Variants in GRM7 observed in about 807,000 individuals in gnomAD.
The protein encoded by GRM7 is metabotropic glutamate receptor 7.
GRM7 carries 35 observed loss-of-function variants against 84.5 expected under a neutral mutation model. That is an observed-to-expected ratio of 0.41 (90% CI 0.32 to 0.55). The LOEUF (loss-of-function observed/expected upper bound fraction) is 0.55, where lower values mean the gene tolerates loss of function less well. GRM7 is among the 20% of genes least tolerant of loss of function. The probability of loss-of-function intolerance (pLI) is 0.19; values close to 1 mark genes in which losing one functional copy is unlikely to be tolerated. For missense variants in GRM7, 1,003 were observed against 1,194.6 expected (o/e 0.84, Z 2.36); for synonymous variants, 487 against 455.1 (o/e 1.07, Z -0.89).
In GRM7 at chr3:7,617,741, T is replaced by G. The variant is rs551514139; in HGVS notation, c.2451+38384T>G. 5.9e-5 allele frequency among the ~76,000 whole-genome samples: 9 copies of G among 152,276 alleles called. No homozygotes were observed. The South Asian group carries it at 1.9e-3, about 32-fold the overall frequency. On this transcript the variant is annotated intron_variant, in intron 8 of 9. Transcript: ENST00000357716. ...ACAGCGCAAGTATCAAGACATTTAATATCTTACCAGAGATAGGAAAGAGTT... is the reference window on the plus strand; with the variant it reads ...ACAGCGCAAGTATCAAGACATTTAAGATCTTACCAGAGATAGGAAAGAGTT...
At chr3:7,669,236 G>A (rs548192611) in intron 8 of GRM7, among the ~76,000 whole-genome samples, 11 of 152,268 alleles carry the variant, frequency 7.2e-5, no homozygotes, top group East Asian at 1.9e-4. Flanking sequence ...TCCTATAAGC[G>A]AGTAAAACAA....
chr3:7,637,594 G>T (rs574656916), intron 8 of GRM7, among the ~76,000 whole-genome samples: 2 of 152,124 alleles, frequency 1.3e-5, no homozygotes, highest in African/African-American at 4.8e-5. Flanking sequence ...GGAGCCTATC[G>T]CCTGTTAGGT....
chr3:7,619,204 A>G (rs1697249502), intron 8 of GRM7, among the ~76,000 whole-genome samples: 1 of 152,150 alleles, frequency 6.6e-6, no homozygotes, highest in Admixed American at 6.5e-5. Context: ...TTTGAAGACA[A>G]GTTTCTCCTC....
At chr3:7,019,879 G>T (rs899468561) in intron 1 of GRM7, among the ~76,000 whole-genome samples, 3 of 152,192 alleles carry the variant, frequency 2.0e-5, no homozygotes, top group African/African-American at 7.2e-5. Context: ...ACTATTTTTA[G>T]AGCACCTACT....
chr3:7,561,542 T>C (rs1694029238), intron 7 of GRM7: 1 of 456,448 alleles, frequency 2.2e-6, no homozygotes, highest in East Asian at 7.0e-5. Context: ...GCATGGAAAG[T>C]CCTTCCAGGA....
chr3:7,281,863 C>T (rs1419585757), intron 2 of GRM7, among the ~76,000 whole-genome samples: 1 of 152,166 alleles, frequency 6.6e-6, no homozygotes, highest in Non-Finnish European at 1.5e-5. Context: ...GAAGGATTGC[C>T]TGAGTTCAGG....
At chr3:7,645,250 A>G (rs539549982) in intron 8 of GRM7, among the ~76,000 whole-genome samples, 36 of 152,112 alleles carry the variant, frequency 2.4e-4, no homozygotes, top group African/African-American at 8.0e-4. Flanking sequence ...AAGAAGCTGA[A>G]TTTTCTACTG....
intron 4 of GRM7, among the ~76,000 whole-genome samples, chr3:7,319,598 T>G (rs1484481391): frequency 6.6e-6 from 1 of 152,048 alleles, no homozygotes; most frequent in Non-Finnish European, 1.5e-5. Flanking sequence ...GAAACCAGAA[T>G]GTCTACAGTA....
At chr3:7,644,270 C>CA (rs1330218119) in intron 8 of GRM7, among the ~76,000 whole-genome samples, 1 of 147,992 alleles carries the variant, frequency 6.8e-6, no homozygotes, top group African/African-American at 2.5e-5. Flanking sequence ...ATATATATGG[C>CA]ATGATTTAAA....
Position 7,381,540 on chromosome 3 carries a change from C to T in GRM7, c.1034-33483C>T, listed in dbSNP as rs992545936. ...ATAAACTAAGTTTTCTAGAAAAAAG[C>T]AAAATATGATACATCAGTTGGTTCT... On this transcript the variant is annotated intron_variant, in intron 4 of 9. Coordinates refer to ENST00000357716, the MANE Select transcript of GRM7 (RefSeq NM_000844.4). Among the ~76,000 whole-genome samples, 12 of 152,042 alleles carry T rather than the reference C, an allele frequency of 7.9e-5. No homozygotes were observed. In the South Asian group the frequency reaches 1.0e-3, roughly 13 times the overall value.
intron 8 of GRM7, among the ~76,000 whole-genome samples, chr3:7,654,873 A>G (rs904968466): frequency 8.5e-5 from 13 of 152,230 alleles, no homozygotes; most frequent in African/African-American, 2.9e-4. Flanking sequence ...TGGCCCACAC[A>G]TATATTTTAC....
intron 1 of GRM7, among the ~76,000 whole-genome samples, chr3:7,059,898 A>T (rs951408889): frequency 6.6e-6 from 1 of 151,832 alleles, no homozygotes; most frequent in African/African-American, 2.4e-5. Context: ...CAGAACTATG[A>T]GAAAGATATT....
At chr3:7,359,460 G>C (rs1290544305) in intron 4 of GRM7, among the ~76,000 whole-genome samples, 1 of 144,948 alleles carries the variant, frequency 6.9e-6, no homozygotes, top group African/African-American at 2.7e-5. Flanking sequence ...TCAGTCTCCC[G>C]AGTATCTGGG....
intron 7 of GRM7, among the ~76,000 whole-genome samples, chr3:7,523,781 G>A (rs547832642): frequency 1.3e-5 from 2 of 152,174 alleles, no homozygotes; most frequent in African/African-American, 2.4e-5. Flanking sequence ...TAGGTGGATC[G>A]GGATATAGTG....
At chr3:7,117,994 T>G (rs1693093988) in intron 1 of GRM7, among the ~76,000 whole-genome samples, 1 of 152,078 alleles carries the variant, frequency 6.6e-6, no homozygotes, top group South Asian at 2.1e-4. Flanking sequence ...ATTTATGGAG[T>G]ACAAAAAACT....
chr3:7,214,827 G>T (rs996394985), intron 2 of GRM7, among the ~76,000 whole-genome samples: 2 of 152,108 alleles, frequency 1.3e-5, no homozygotes, highest in South Asian at 4.2e-4. Flanking sequence ...CATTATCTGA[G>T]CATGGTTATT....
intron 1 of GRM7, among the ~76,000 whole-genome samples, chr3:6,917,891 A>G (rs946464821): frequency 6.6e-6 from 1 of 152,158 alleles, no homozygotes; most frequent in Non-Finnish European, 1.5e-5. Flanking sequence ...AGTTTTGACT[A>G]TTCTTTACCT....
At chr3:7,034,699 G>T (rs1295046701) in intron 1 of GRM7, among the ~76,000 whole-genome samples, 1 of 152,144 alleles carries the variant, frequency 6.6e-6, no homozygotes, top group Non-Finnish European at 1.5e-5. Flanking sequence ...TTGTGATAAA[G>T]ATCAGTAAGA....
chr3:7,033,497 G>C (rs942834488), intron 1 of GRM7, among the ~76,000 whole-genome samples: 9 of 152,072 alleles, frequency 5.9e-5, no homozygotes, highest in African/African-American at 2.2e-4. Flanking sequence ...AAATATAACT[G>C]TAAAACTTCT....
Sources: allele counts gnomAD v4.1 joint callset (sites outside exome capture counted in the v4.1 genomes callset), GRCh38; gene constraint gnomAD v4.1.1; transcripts MANE v1.5; gene names NCBI Gene and HGNC (gene_info 2026-07-23, HGNC 2026-07-21).